DOT1L: variants seen among roughly 807,000 people sequenced by gnomAD.
DOT1L encodes histone-lysine N-methyltransferase, H3 lysine-79 specific.
DOT1L carries 33 observed loss-of-function variants against 153.3 expected under a neutral mutation model. The ratio of observed to expected loss-of-function variants is 0.22; its 90% confidence interval spans 0.16 to 0.29. DOT1L has a LOEUF of 0.29. Among genes scored for constraint, DOT1L ranks in the 10% least tolerant of loss-of-function variants. The pLI, the probability that DOT1L is intolerant of heterozygous loss-of-function variation, is 1.00. For missense variants in DOT1L, 1,847 were observed against 2,119.9 expected (o/e 0.87, Z 2.53); for synonymous variants, 1,135 against 965.1 (o/e 1.18, Z -3.26).
At chr19:2,181,837 C>T (rs1238989678) in intron 2 of DOT1L, among the ~76,000 whole-genome samples, 1 of 152,074 alleles carries the variant, frequency 6.6e-6, no homozygotes, top group Admixed American at 6.5e-5. Flanking sequence ...CCGCCTCTCT[C>T]TGCCTGGGTT....
intron 16 of DOT1L, chr19:2,212,690 A>C (rs113157457): frequency 6.6e-6 from 1 of 152,266 alleles, no homozygotes; most frequent in Non-Finnish European, 1.5e-5. Context: ...GAGGCTGACA[A>C]GCAGGCATCA....
At chr19:2,173,175 C>G (rs1370913264) in intron 1 of DOT1L, among the ~76,000 whole-genome samples, 3 of 152,064 alleles carry the variant, frequency 2.0e-5, no homozygotes, top group Non-Finnish European at 1.5e-5. Flanking sequence ...GCCCACGAGT[C>G]CCGCGCTTTC....
At chr19:2,224,422 C>G (rs969531877) in intron 25 of DOT1L, among the ~76,000 whole-genome samples, 3 of 151,524 alleles carry the variant, frequency 2.0e-5, no homozygotes, top group Non-Finnish European at 4.4e-5. Flanking sequence ...TCTAGCCATC[C>G]GAGTCGTCGT....
At chr19:2,226,157 C>T (rs376202825) in intron 26 of DOT1L, 26 bp from the exon 27 acceptor site, 10 of 1,502,770 alleles carry the variant, frequency 6.7e-6, no homozygotes, top group South Asian at 4.1e-5. Flanking sequence ...TCTGGGCTCA[C>T]GGCTTCTGCC....
At chr19:2,213,271 G>A in intron 16 of DOT1L, 1 of 397,458 alleles carries the variant, frequency 2.5e-6, no homozygotes, top group African/African-American at 2.0e-5. Flanking sequence ...TGCGTGGCTG[G>A]GGGCGCTGCC....
chr19:2,210,534 C>T, intron 13 of DOT1L, 24 bp downstream of exon 13: 1 of 1,589,256 alleles, frequency 6.3e-7, no homozygotes, highest in East Asian at 2.2e-5. Flanking sequence ...CTGGCTCCTG[C>T]TGCTGGAGGG....
intron 1 of DOT1L, among the ~76,000 whole-genome samples, chr19:2,166,735 C>G (rs375713517): frequency 6.6e-6 from 1 of 152,214 alleles, no homozygotes; most frequent in African/African-American, 2.4e-5. Context: ...ATATCTTCCT[C>G]TTTCAGTTCA....
Position 2,232,179 on chromosome 19 carries a change from G to A in DOT1L, c.*2387G>A, listed in dbSNP as rs1265311266. 4 of 223,936 alleles carry A rather than the reference G, an allele frequency of 1.8e-5. No homozygotes were observed. The highest frequency in any genetic ancestry group is 2.7e-5 in the Non-Finnish European group (3 of 112,432). The allele number at this position is 223,936 out of a possible 1,614,324, so 13.9% of individuals were successfully genotyped here. ...TGCTGACTGTGGGTGGGCGGGCGGC[G>A]CCTGGGAGTGGCTCTTGCTCAGGAA... On this transcript the variant is annotated 3_prime_UTR_variant, in exon 28 of 28. Transcript: ENST00000398665.
intron 19 of DOT1L, 61 bp from the exon 20 acceptor site, chr19:2,216,220 T>G (rs2023891980): frequency 6.6e-7 from 1 of 1,510,606 alleles, no homozygotes; most frequent in Non-Finnish European, 8.8e-7. Context: ...TCTGTGGCAG[T>G]CTTGGTTCCC....
At chr19:2,180,897 T>A in intron 2 of DOT1L, 141 bp downstream of exon 2, 1 of 983,228 alleles carries the variant, frequency 1.0e-6, no homozygotes, top group Non-Finnish European at 1.5e-6. Context: ...CAGGGGTGAC[T>A]CAGGGACGGG....
At chr19:2,165,379 C>T (rs966555356) in intron 1 of DOT1L, among the ~76,000 whole-genome samples, 2 of 152,128 alleles carry the variant, frequency 1.3e-5, no homozygotes, top group Non-Finnish European at 2.9e-5. Flanking sequence ...GGCTCACTGC[C>T]CCGGGTCGGT....
At position 2,214,109 on chromosome 19, in the gene DOT1L, C is replaced by T. The variant is rs952893924; in HGVS notation, c.1797+123C>T. Reference sequence around the variant, plus strand: ...CTCTGTTGTGGGGTTTGTTCCCAGACGAATTGCGCCACCTGTGAAAGCTTG... The same window carrying T: ...CTCTGTTGTGGGGTTTGTTCCCAGATGAATTGCGCCACCTGTGAAAGCTTG... On this transcript the variant is annotated intron_variant, in intron 18 of 27. Coordinates refer to ENST00000398665, the MANE Select transcript of DOT1L (RefSeq NM_032482.3). 58 of 1,412,056 alleles carry T rather than the reference C, an allele frequency of 4.1e-5. No individual in the cohort carries two copies. The African/African-American group carries it at 6.0e-4, about 15-fold the overall frequency. 87.5% of individuals were successfully genotyped at this position (1,412,056 alleles called of 1,614,324 possible).
rs1190853402 is a variant in DOT1L, at chr19:2,204,972, T to C, written c.788-1757T>C. Among the ~76,000 whole-genome samples the C allele has an allele frequency of 6.6e-6, 1 of 151,670 alleles. No homozygotes were observed. The highest frequency in any genetic ancestry group is 1.5e-5 in the Non-Finnish European group (1 of 67,990). ...GTTTAAATGGATCCACTTTGACTTT[T>C]AATTTTTTTTTTTTTGGAGACGGAG... is the stretch of plus-strand genomic sequence containing the variant. On this transcript the variant is annotated intron_variant, in intron 9 of 27. Transcript: ENST00000398665. The surrounding 1 kb of genome is among the most constrained non-coding windows in gnomAD (Gnocchi z 5.7).
At chr19:2,184,599 G>A (rs2022404269) in intron 2 of DOT1L, among the ~76,000 whole-genome samples, 2 of 152,164 alleles carry the variant, frequency 1.3e-5, no homozygotes, top group African/African-American at 2.4e-5. Flanking sequence ...AGGTGGCTGC[G>A]GAAGGTGGGC....
Position 2,232,283 on chromosome 19 carries a change from CTTAAT to C in DOT1L, c.*2495_*2499del, listed in dbSNP as rs1205077519. On this transcript the variant is annotated 3_prime_UTR_variant, in exon 28 of 28. Coordinates refer to ENST00000398665, the MANE Select transcript of DOT1L (RefSeq NM_032482.3). The stretch of plus-strand genomic sequence containing the variant: ...ACAGTGACTTATTTAAGACTTCCCC[CTTAAT>C]TTATCTGCCCCCAGGATGCGTCAGT... 2 of 216,818 alleles carry C rather than the reference CTTAAT, an allele frequency of 9.2e-6. No homozygotes were observed. Among genetic ancestry groups the C allele is most frequent in the Non-Finnish European group, 1.9e-5 (2 of 107,912 alleles). 13.4% of individuals were successfully genotyped at this position (216,818 alleles called of 1,614,324 possible). A position where few individuals can be genotyped will look rare whatever the true frequency, so the allele number is the denominator to read the frequency against.
intron 8 of DOT1L, among the ~76,000 whole-genome samples, chr19:2,201,427 T>C (rs2023277705): frequency 6.6e-6 from 1 of 152,236 alleles, no homozygotes; most frequent in African/African-American, 2.4e-5. Flanking sequence ...GCTCCTGCTG[T>C]CTTCCCTGTG....
At chr19:2,211,677 C>T in intron 15 of DOT1L, 74 bp from the exon 16 acceptor site, 1 of 1,350,624 alleles carries the variant, frequency 7.4e-7, no homozygotes, top group African/African-American at 1.5e-5. Context: ...GACTCGTTCT[C>T]AAGGGCTGCT....
At chr19:2,165,408 G>GA (rs1246236071) in intron 1 of DOT1L, among the ~76,000 whole-genome samples, 9 of 152,214 alleles carry the variant, frequency 5.9e-5, no homozygotes, top group African/African-American at 2.4e-5. Context: ...ATGGGAGAGG[G>GA]AGCGCAGCTT....
intron 9 of DOT1L, among the ~76,000 whole-genome samples, 160 bp downstream of exon 9, chr19:2,202,939 A>G (rs1476293934): frequency 3.3e-5 from 5 of 151,536 alleles, no homozygotes; most frequent in Admixed American, 1.3e-4. Flanking sequence ...TTCTTTTTTT[A>G]TTGAGACAGT....
Sources: allele counts gnomAD v4.1 joint callset (sites outside exome capture counted in the v4.1 genomes callset), GRCh38; gene constraint gnomAD v4.1.1; non-coding constraint Gnocchi (gnomAD v3.1); transcripts MANE v1.5; gene names NCBI Gene and HGNC (gene_info 2026-07-23, HGNC 2026-07-21).